The following RBBP7 variants were observed in gnomAD, a reference collection of about 807,000 sequenced individuals.
RBBP7 encodes RB binding protein 7, chromatin remodeling factor.
In RBBP7, 5 loss-of-function variants were observed where a neutral mutation model predicts 35.2. The ratio of observed to expected loss-of-function variants is 0.14; its 90% CI spans 0.07 to 0.30. RBBP7 has a LOEUF of 0.30. Among genes scored for constraint, RBBP7 ranks in the 10% least tolerant of loss-of-function variants. RBBP7 has a pLI of 1.00. For synonymous variants in RBBP7, 140 were observed against 118.7 expected, an observed-to-expected ratio of 1.18 and a Z score of -1.17; for missense variants, 155 against 327.5, an observed-to-expected ratio of 0.47 and a Z score of 4.07.
intron 4 of RBBP7, 123 bp from the exon 5 acceptor site, chrX:16,857,832 T>C (rs1930384471): frequency 1.0e-6 from 1 of 977,069 alleles, no homozygotes; most frequent in Non-Finnish European, 1.3e-6. Context: ...TGGTCTTTAA[T>C]ACCCAATGCA....
intron 6 of RBBP7, chrX:16,853,211 T>G (rs1440283797): frequency 4.5e-6 from 1 of 220,363 alleles, no homozygotes; most frequent in Non-Finnish European, 8.2e-6. Context: ...TTTGTCACAT[T>G]TGCCTCAGGT....
intron 5 of RBBP7, among the ~76,000 whole-genome samples, chrX:16,857,065 C>T (rs1930370529): frequency 9.0e-6 from 1 of 111,098 alleles, no homozygotes; most frequent in Non-Finnish European, 1.9e-5. Context: ...ATTCCATTTA[C>T]ATGAAATACC....
At chrX:16,869,544 G>A (rs977396157) in intron 1 of RBBP7, 1 of 1,166,884 alleles carries the variant, frequency 8.6e-7, no homozygotes, top group Non-Finnish European at 1.1e-6. Flanking sequence ...ACCCAGTCGG[G>A]AAGACAAATG....
At chrX:16,851,149 A>G (rs1930205540) in intron 9 of RBBP7, among the ~76,000 whole-genome samples, 1 of 109,534 alleles carries the variant, frequency 9.1e-6, no homozygotes, top group African/African-American at 3.3e-5. Flanking sequence ...AAAAGAAAAG[A>G]AAAGAAAAAG....
At chrX:16,867,155 C>T (rs971123450) in intron 2 of RBBP7, among the ~76,000 whole-genome samples, 18 of 111,673 alleles carry the variant, frequency 1.6e-4, no homozygotes, top group African/African-American at 5.9e-4. Context: ...ACTTATGCTG[C>T]ACCAGGCACT....
intron 2 of RBBP7, among the ~76,000 whole-genome samples, chrX:16,865,428 C>T (rs1401828251): frequency 1.8e-5 from 2 of 111,710 alleles, no homozygotes; most frequent in Non-Finnish European, 3.8e-5. Flanking sequence ...ATCACAGGCC[C>T]TTTCTAAGGA....
intron 2 of RBBP7, among the ~76,000 whole-genome samples, chrX:16,864,273 A>C (rs909392853): frequency 2.7e-5 from 3 of 110,873 alleles, no homozygotes; most frequent in African/African-American, 9.9e-5. Flanking sequence ...TAATCCCAGC[A>C]CTTTAGGAGG....
chrX:16,860,743 ATTATTTCAGCTACTTG>A (rs1930455542), intron 3 of RBBP7, among the ~76,000 whole-genome samples: 1 of 111,348 alleles, frequency 9.0e-6, no homozygotes, highest in Admixed American at 9.6e-5. Flanking sequence ...TATTAACTGA[ATTATTTCAGCTACTTG>A]TTAGAATACA....
intron 5 of RBBP7, among the ~76,000 whole-genome samples, chrX:16,855,995 CAAAAAAAAA>C (rs754398259): frequency 8.8e-4 from 14 of 15,995 alleles, no homozygotes; most frequent in East Asian, 3.0e-3. Context: ...GACCTTGTCT[CAAAAAAAAA>C]AAAAAAAAAA....
At chrX:16,866,915 A>C (rs1353926205) in intron 2 of RBBP7, among the ~76,000 whole-genome samples, 1 of 111,694 alleles carries the variant, frequency 9.0e-6, no homozygotes, top group Non-Finnish European at 1.9e-5. Context: ...ACCCAATCCC[A>C]CAACAGCTTT....
chrX:16,856,951 C>G (rs999502000), intron 5 of RBBP7, among the ~76,000 whole-genome samples: 2 of 111,477 alleles, frequency 1.8e-5, no homozygotes, highest in Non-Finnish European at 3.8e-5. Flanking sequence ...TATATCCATA[C>G]AGTGGAATAT....
In RBBP7 at chrX:16,858,888, G is replaced by A. The variant is rs189769812; in HGVS notation, c.308-39C>T. The A allele has an allele frequency of 5.0e-3, 5,838 of 1,177,258 alleles. 26 individuals carry two copies. Among genetic ancestry groups the A allele is most frequent in the Middle Eastern group, 0.018 (74 of 4,227 alleles). ...AAAGAAACACACACACACACACTCAGGATTAAAATTCACAAATCACTTAGT... is the reference window on the plus strand; with the variant it reads ...AAAGAAACACACACACACACACTCAAGATTAAAATTCACAAATCACTTAGT... On this transcript the variant is annotated intron_variant, in intron 3 of 11. Transcript: ENST00000380087.
chrX:16,857,892 A>G (rs963955279), intron 4 of RBBP7, among the ~76,000 whole-genome samples, 183 bp from the exon 5 acceptor site: 1 of 111,560 alleles, frequency 9.0e-6, no homozygotes, highest in African/African-American at 3.3e-5. Flanking sequence ...AAAACCTAAT[A>G]CTATCCCCAA....
Position 16,870,352 on chromosome X carries a change from C to G in RBBP7, c.-299G>C, listed in dbSNP as rs777925751. ...GCAGCTGAGCGCAGGCGCATCCGCC[C>G]TGGGAAAAGTGAGAGGAGGCGGAGA... is the stretch of plus-strand genomic sequence containing the variant. On this transcript the variant is annotated 5_prime_UTR_variant, in exon 1 of 12. Coordinates refer to ENST00000380087, the MANE Select transcript of RBBP7 (RefSeq NM_002893.4). The G allele has an allele frequency of 6.3e-6, 1 of 159,333 alleles. No individual in the cohort carries two copies. Among genetic ancestry groups the G allele is most frequent in the Non-Finnish European group, 1.2e-5 (1 of 86,578 alleles). 13.1% of individuals were successfully genotyped at this position (159,333 alleles called of 1,213,427 possible).
At chrX:16,860,320 AAC>A (rs1369513767) in intron 3 of RBBP7, among the ~76,000 whole-genome samples, 3 of 109,664 alleles carry the variant, frequency 2.7e-5, no homozygotes, top group Admixed American at 2.0e-4. Context: ...ATTTACTTTG[AAC>A]ACAGAGTTTT....
At chrX:16,851,132 AAAAAAG>A (rs1480693922) in intron 9 of RBBP7, among the ~76,000 whole-genome samples, 32 of 109,177 alleles carry the variant, frequency 2.9e-4, no homozygotes, top group East Asian at 5.7e-4. Flanking sequence ...TCCAAAAAAA[AAAAAAG>A]AAAAGAAAAG....
intron 3 of RBBP7, among the ~76,000 whole-genome samples, chrX:16,861,586 G>A (rs1412206221): frequency 2.7e-5 from 3 of 111,895 alleles, no homozygotes; most frequent in Admixed American, 9.4e-5. Context: ...AGGCTCAAGC[G>A]TTCCTCCTGC....
In RBBP7 at chrX:16,852,532, C is replaced by A; in HGVS notation, c.963+19G>T. The A allele has an allele frequency of 8.3e-7, 1 of 1,203,345 alleles. No homozygotes were observed. Among genetic ancestry groups the A allele is most frequent in the Non-Finnish European group, 1.1e-6 (1 of 887,997 alleles). ...GATTTCATTTCCTGACATACAGACA[C>A]CAGAAAACTGTCACATACCTGGAAA... is the stretch of plus-strand genomic sequence containing the variant. On this transcript the variant is annotated intron_variant, in intron 8 of 11. Coordinates refer to ENST00000380087, the MANE Select transcript of RBBP7 (RefSeq NM_002893.4).
At chrX:16,851,804 C>T (rs1161132832) in intron 9 of RBBP7, among the ~76,000 whole-genome samples, 1 of 112,695 alleles carries the variant, frequency 8.9e-6, no homozygotes, top group Non-Finnish European at 1.9e-5. Flanking sequence ...CAGACACATA[C>T]ACCTTCATGC....
Sources: allele counts gnomAD v4.1 joint callset (sites outside exome capture counted in the v4.1 genomes callset), GRCh38; gene constraint gnomAD v4.1.1; transcripts MANE v1.5; gene names NCBI Gene and HGNC (gene_info 2026-07-23, HGNC 2026-07-21).